Variants in SAMD8 observed in about 807,000 individuals in gnomAD.
The protein encoded by SAMD8 is sterile alpha motif domain containing 8.
A neutral mutation model predicts 42.0 loss-of-function variants in SAMD8; 20 were observed. The observed-to-expected ratio is 0.48, with a 90% CI of 0.34 to 0.69. The LOEUF (loss-of-function observed/expected upper bound fraction) is 0.69, where lower values mean the gene tolerates loss of function less well. SAMD8 is among the 30% of genes least tolerant of loss of function. The probability of loss-of-function intolerance (pLI) is 0.01; values close to 1 mark genes in which losing one functional copy is unlikely to be tolerated. For missense variants in SAMD8, 328 were observed against 511.6 expected, an observed-to-expected ratio of 0.64 and a Z score of 3.46; for synonymous variants, 162 against 173.0, an observed-to-expected ratio of 0.94 and a Z score of 0.50.
At chr10:75,109,041 G>C, upstream of SAMD8, 3 of 1,611,166 alleles carry the variant, frequency 1.9e-6, no homozygotes, top group South Asian at 2.2e-5. Flanking sequence ...GCCAAACTTC[G>C]TCCACACGGC....
chr10:75,161,729 A>G (rs1420036108), intron 2 of SAMD8, among the ~76,000 whole-genome samples: 1 of 152,116 alleles, frequency 6.6e-6, no homozygotes, highest in Non-Finnish European at 1.5e-5. Flanking sequence ...GAGATTTAAA[A>G]TCCAGCAGGG....
intron 1 of SAMD8, among the ~76,000 whole-genome samples, chr10:75,149,563 G>A (rs1296800461): frequency 6.6e-6 from 1 of 152,126 alleles, no homozygotes; most frequent in East Asian, 1.9e-4. Context: ...CTTCATATCT[G>A]TTATAGAAAT....
rs914416381 is a variant in SAMD8 at position 75,181,645 on chromosome 10, G to C, written c.*4953G>C. 2.0e-5 allele frequency: 3 copies of C among 152,182 alleles called. No homozygotes were observed. Among genetic ancestry groups the C allele is most frequent in the African/African-American group, 4.8e-5 (2 of 41,450 alleles). 9.4% of individuals were successfully genotyped at this position (152,182 alleles called of 1,614,324 possible). On this transcript the variant is annotated 3_prime_UTR_variant, in exon 6 of 6. Transcript: ENST00000542569. ...TTTGTGCCTGATATGGCAGGAGAAA[G>C]AACACTATGGTAATTTCATTGTTAC...
chr10:75,118,643 CA>C (rs1848937286), intron 1 of SAMD8, among the ~76,000 whole-genome samples: 1 of 151,402 alleles, frequency 6.6e-6, no homozygotes, highest in African/African-American at 2.4e-5. Flanking sequence ...GACTCCGTCT[CA>C]AAAAAGAAAA....
At chr10:75,166,958 G>A (rs1350661547) in intron 3 of SAMD8, among the ~76,000 whole-genome samples, 1 of 152,202 alleles carries the variant, frequency 6.6e-6, no homozygotes, top group East Asian at 1.9e-4. Flanking sequence ...CATCTCAGGA[G>A]TGCACACTAA....
intron 3 of SAMD8, 62 bp from the exon 4 acceptor site, chr10:75,168,479 G>T (rs2132206514): frequency 6.3e-7 from 1 of 1,591,568 alleles, no homozygotes; most frequent in East Asian, 2.3e-5. Flanking sequence ...AATATTTGAT[G>T]CCTGGGGTTT....
intron 1 of SAMD8, among the ~76,000 whole-genome samples, chr10:75,128,535 A>T (rs1475672101): frequency 6.6e-6 from 1 of 152,212 alleles, no homozygotes; most frequent in African/African-American, 2.4e-5. Context: ...TAACAGGTGA[A>T]TTCTGAAATC....
At chr10:75,126,902 A>T (rs1393146932) in intron 1 of SAMD8, among the ~76,000 whole-genome samples, 2 of 151,118 alleles carry the variant, frequency 1.3e-5, no homozygotes, top group East Asian at 4.0e-4. Flanking sequence ...AAAAGTCTTC[A>T]TTAGGCTGCG....
chr10:75,109,125 T>C (rs1589924128), upstream of SAMD8: 3 of 1,605,272 alleles, frequency 1.9e-6, no homozygotes, highest in East Asian at 4.5e-5. Flanking sequence ...CTTTGTCCTC[T>C]CCCCCCAGCT....
At chr10:75,167,930 A>G (rs1190163618) in intron 3 of SAMD8, among the ~76,000 whole-genome samples, 1 of 152,324 alleles carries the variant, frequency 6.6e-6, no homozygotes, top group Non-Finnish European at 1.5e-5. Flanking sequence ...AGCAATTTTC[A>G]GTAATAGGAC....
chr10:75,145,377 A>G (rs533687904), intron 1 of SAMD8, among the ~76,000 whole-genome samples: 55 of 152,330 alleles, frequency 3.6e-4, no homozygotes, highest in Non-Finnish European at 3.4e-4. Flanking sequence ...CCTCATTATA[A>G]GTGATACTTT....
intron 3 of SAMD8, among the ~76,000 whole-genome samples, chr10:75,168,109 G>A (rs1840735807): frequency 6.6e-6 from 1 of 151,366 alleles, no homozygotes; most frequent in Non-Finnish European, 1.5e-5. Context: ...TGATTCTCCT[G>A]CCTCAGCCTC....
Position 75,129,071 on chromosome 10 carries a change from A to G in SAMD8, c.-16+17349A>G, listed in dbSNP as rs147420817. Among the ~76,000 whole-genome samples, 751 of 150,596 alleles carry G rather than the reference A, an allele frequency of 5.0e-3. 4 individuals carry two copies. Among genetic ancestry groups the G allele is most frequent in the African/African-American group, 0.017 (717 of 41,182 alleles). ...ACCATCTCAACTGGATCTTTTTTCCAGTGTGCTTTTCTTCTAATTCTAAAG... is the reference window on the plus strand; with the variant it reads ...ACCATCTCAACTGGATCTTTTTTCCGGTGTGCTTTTCTTCTAATTCTAAAG... On this transcript the variant is annotated intron_variant, in intron 1 of 5. Coordinates refer to ENST00000542569, the MANE Select transcript of SAMD8 (RefSeq NM_001174156.2).
chr10:75,155,015 C>T (rs1740299621), intron 2 of SAMD8, among the ~76,000 whole-genome samples: 1 of 152,030 alleles, frequency 6.6e-6, no homozygotes, highest in African/African-American at 2.4e-5. Context: ...CCTTAGCCTC[C>T]CGAGTCACTA....
At position 75,152,531 on chromosome 10, in the gene SAMD8, A is replaced by G. The variant is rs1840314861; in HGVS notation, c.578+1425A>G. ...AGCGAGACTCCGTCTCAAAAAAAAA[A>G]AAAAGAAAAAAAAAAAAGAAAAATA... On this transcript the variant is annotated intron_variant, in intron 2 of 5. Transcript: ENST00000542569. 6.7e-5 allele frequency among the ~76,000 whole-genome samples: 10 copies of G among 148,194 alleles called. 1 individual carries two copies. In the South Asian group the frequency reaches 2.1e-3, roughly 31 times the overall value.
upstream of SAMD8, among the ~76,000 whole-genome samples, chr10:75,107,811 A>G (rs1172369050): frequency 6.6e-6 from 1 of 152,146 alleles, no homozygotes; most frequent in Non-Finnish European, 1.5e-5. Flanking sequence ...TCCTGACCTC[A>G]GGCGATCCAC....
intron 2 of SAMD8, among the ~76,000 whole-genome samples, chr10:75,163,538 A>G (rs912239677): frequency 4.6e-5 from 7 of 152,136 alleles, no homozygotes; most frequent in African/African-American, 1.2e-4. Flanking sequence ...GGCTCAAGCC[A>G]TCCTCCCACC....
intron 1 of SAMD8, among the ~76,000 whole-genome samples, chr10:75,102,304 G>A (rs925720021): frequency 5.3e-4 from 81 of 152,196 alleles, no homozygotes; most frequent in African/African-American, 1.7e-3. Context: ...CTAGCCGGGC[G>A]TGGTGGTGGA....
intron 4 of SAMD8, among the ~76,000 whole-genome samples, chr10:75,171,632 A>T (rs2132214406): frequency 6.6e-6 from 1 of 152,364 alleles, no homozygotes; most frequent in East Asian, 1.9e-4. Flanking sequence ...GTGCTATAGT[A>T]AACATTCTTG....
Sources: allele counts gnomAD v4.1 joint callset (sites outside exome capture counted in the v4.1 genomes callset), GRCh38; gene constraint gnomAD v4.1.1; transcripts MANE v1.5; gene names NCBI Gene and HGNC (gene_info 2026-07-23, HGNC 2026-07-21).